The following DDX11 variants were observed in gnomAD, a reference collection of about 807,000 sequenced individuals.
The protein encoded by DDX11 is DEAD/H-box helicase 11, also known as ATP-dependent DNA helicase DDX11.
Under a neutral mutation model 125.2 loss-of-function variants are expected in DDX11, and 72 were observed. The ratio of observed to expected loss-of-function variants is 0.58; its 90% CI spans 0.48 to 0.70. The LOEUF is 0.70. Ranked by LOEUF, DDX11 falls within the 30% of genes least tolerant of loss-of-function variation. The pLI is 0.00. For synonymous variants in DDX11, 347 were observed against 452.6 expected (o/e 0.77, Z 2.96); for missense variants, 883 against 1,165.0 (o/e 0.76, Z 3.52).
chr12:31,086,997 G>C (rs560027129), intron 5 of DDX11, among the ~76,000 whole-genome samples: 1 of 137,738 alleles, frequency 7.3e-6, no homozygotes, highest in East Asian at 2.2e-4. Context: ...GAATTTCGAG[G>C]TGAACAAAAA....
In DDX11 at chr12:31,101,056, C is replaced by G; in HGVS notation, c.1978C>G (p.Pro660Ala). 6.2e-7 allele frequency: 1 copy of G among 1,614,194 alleles called. No homozygotes were observed. Among genetic ancestry groups the G allele is most frequent in the Non-Finnish European group, 8.5e-7 (1 of 1,180,028 alleles). Residue 660 changes from proline (P) to alanine (A), a missense_variant, in exon 20 of 27, where the codon CCC becomes GCC. Pro to Ala is a conservative substitution (Grantham distance 27). Transcript: ENST00000542838. ...CGTGATCCCTCCAGACAACATCCTG[C>G]CCCTCGTCATCTGCAGCGGGATCTC... The part of the protein sequence containing the change: ...GHVIPPDNIL[P>A]LVICSGISNQ...
intron 4 of DDX11, 99 bp from the exon 5 acceptor site, chr12:31,084,870 G>T (rs750186891): frequency 1.4e-6 from 2 of 1,472,326 alleles, no homozygotes; most frequent in Admixed American, 3.9e-5. Context: ...CCAGGCCTAT[G>T]TGAATGGGGC....
rs1270625967 is a variant in DDX11 at position 31,097,913 on chromosome 12, T to G, written c.1791T>G (p.Phe597Leu). The G allele has an allele frequency of 1.9e-6, 3 of 1,613,318 alleles. No homozygotes were observed. In the East Asian group the frequency reaches 6.7e-5, roughly 36 times the overall value. ...QGSLSQSTLK[F>L]LLLNPAVHFA... The stretch of plus-strand genomic sequence containing the variant: ...GCCTCAGTCAGAGCACCCTGAAGTT[T>G]TTGCTCCTGAATCCAGCTGTGCACT... The change falls in exon 18 of 27, where the codon TTT (phenylalanine) becomes TTG (leucine). Residue 597 changes from phenylalanine to leucine, a missense_variant. By Grantham distance (22) the Phe-to-Leu change is conservative. This residue lies in a region of DDX11 where 241 missense variants were observed against 279.7 expected (regional missense o/e 0.86). Coordinates refer to ENST00000542838, the MANE Select transcript of DDX11 (RefSeq NM_030653.4).
chr12:31,078,500 C>T lies in DDX11; in HGVS notation c.107C>T (p.Ala36Val), dbSNP rs1399831191. The T allele has an allele frequency of 6.2e-7, 1 of 1,611,664 alleles. No individual in the cohort carries two copies. Among genetic ancestry groups the T allele is most frequent in the African/African-American group, 1.3e-5 (1 of 74,822 alleles). Residue 36 changes from alanine (A) to valine (V), a missense_variant, in exon 2 of 27, where the codon GCT (alanine) becomes GTT (valine). Around this residue, in one of 5 missense-constraint regions of DDX11, gnomAD observed 283 missense variants for 359.6 expected, o/e 0.79. Coordinates refer to ENST00000542838, the MANE Select transcript of DDX11 (RefSeq NM_030653.4). ...GCAGAGCTGTACCGGGTTTTGGAGG[C>T]TGGCAAGATTGGGATATTTGAGAGT... Reference protein sequence around the residue: ...FMAELYRVLEAGKIGIFESPT... With the variant: ...FMAELYRVLEVGKIGIFESPT...
At chr12:31,086,067 C>T (rs1166329160) in intron 5 of DDX11, 1 of 454,354 alleles carries the variant, frequency 2.2e-6, no homozygotes, top group East Asian at 7.0e-5. Flanking sequence ...CACCAGACGC[C>T]AGCTTCCCCG....
chr12:31,097,944 C>T lies in DDX11; in HGVS notation c.1822C>T (p.Gln608Ter). 6 of 1,613,810 alleles carry T rather than the reference C, an allele frequency of 3.7e-6. No individual in the cohort carries two copies. The highest frequency in any genetic ancestry group is 5.1e-6 in the Non-Finnish European group (6 of 1,179,868). The change falls in exon 18 of 27, where the codon CAA (glutamine) becomes TAA (stop). Residue 608 changes from glutamine (Q) to a stop codon, truncating the protein, a stop_gained. Coordinates refer to ENST00000542838, the MANE Select transcript of DDX11 (RefSeq NM_030653.4). LOFTEE classifies it high-confidence loss of function. ...CCTGAATCCAGCTGTGCACTTTGCCCAAGTGGTGAAGGAATGCCGGGCAGT... is the reference window on the plus strand; with the variant it reads ...CCTGAATCCAGCTGTGCACTTTGCCTAAGTGGTGAAGGAATGCCGGGCAGT... The part of the protein sequence containing the change: ...LLLNPAVHFA[Q>*]VVKECRAVVI...
chr12:31,079,176 T>A (rs1941349449), intron 2 of DDX11, among the ~76,000 whole-genome samples: 1 of 152,234 alleles, frequency 6.6e-6, no homozygotes, highest in South Asian at 2.1e-4. Flanking sequence ...TTGAACATAA[T>A]TTTGTCTTGA....
chr12:31,087,610 G>A, intron 5 of DDX11: 1 of 422,414 alleles, frequency 2.4e-6, no homozygotes, highest in Non-Finnish European at 4.4e-6. Context: ...ATCCGCCCTG[G>A]GGCCTCAGAG....
intron 5 of DDX11, among the ~76,000 whole-genome samples, 165 bp downstream of exon 5, chr12:31,085,291 G>T (rs1366508792): frequency 6.6e-6 from 1 of 152,246 alleles, no homozygotes; most frequent in African/African-American, 2.4e-5. Flanking sequence ...AGTGCCAGTG[G>T]CAGTGAGGAC....
At chr12:31,103,771 C>A in intron 26 of DDX11, 36 bp from the exon 27 acceptor site, 6 of 1,613,686 alleles carry the variant, frequency 3.7e-6, no homozygotes, top group Non-Finnish European at 5.1e-6. Flanking sequence ...CTCCCCACCC[C>A]GAGATCACAT....
At chr12:31,087,531 G>A in intron 5 of DDX11, 1 of 326,390 alleles carries the variant, frequency 3.1e-6, no homozygotes, top group Non-Finnish European at 6.0e-6. Context: ...GAGTTGACTG[G>A]GAGCTGGTGA....
chr12:31,084,575 T>A lies in DDX11; in HGVS notation c.394-8T>A, dbSNP rs748939479. 6 of 1,591,556 alleles carry A rather than the reference T, an allele frequency of 3.8e-6. No individual in the cohort carries two copies. The highest frequency in any genetic ancestry group is 1.7e-4 in the Middle Eastern group (1 of 6,020). ...TTGGTGATTTTCCTTCATGTCTGCC[T>A]CCTGTAGGCGGAGCAGGCCAGGAGG... On this transcript the variant is annotated splice_polypyrimidine_tract_variant and splice_region_variant and intron_variant, in intron 3 of 26. Coordinates refer to ENST00000542838, the MANE Select transcript of DDX11 (RefSeq NM_030653.4).
intron 2 of DDX11, among the ~76,000 whole-genome samples, chr12:31,081,245 C>T (rs1941867697): frequency 6.6e-6 from 1 of 152,196 alleles, no homozygotes; most frequent in African/African-American, 2.4e-5. Context: ...ATTCTTCTGT[C>T]TTCTAAATCA....
chr12:31,088,722 G>T (rs1316873317), intron 6 of DDX11, among the ~76,000 whole-genome samples: 12 of 152,160 alleles, frequency 7.9e-5, no homozygotes, highest in South Asian at 6.2e-4. Flanking sequence ...CCCAAGTGGG[G>T]ACCCTTTGCC....
At chr12:31,077,718 C>T (rs1227620468) in intron 1 of DDX11, among the ~76,000 whole-genome samples, 2 of 151,922 alleles carry the variant, frequency 1.3e-5, no homozygotes, top group Non-Finnish European at 2.9e-5. Context: ...GTGGCGGGCA[C>T]CTGTAGTCCC....
chr12:31,087,613 C>A lies in DDX11; in HGVS notation c.639-325C>A, dbSNP rs907506780. The A allele has an allele frequency of 1.6e-5, 7 of 429,254 alleles. 1 individual carries two copies. Among genetic ancestry groups the A allele is most frequent in the Non-Finnish European group, 2.6e-5 (6 of 229,540 alleles). 26.6% of individuals were successfully genotyped at this position (429,254 alleles called of 1,614,324 possible). On this transcript the variant is annotated intron_variant, in intron 5 of 26. Transcript: ENST00000542838. ...TGAAGAGCAAATATCCGCCCTGGGG[C>A]CTCAGAGGGGTCCAGCTTGCTGGAG...
chr12:31,075,629 G>A (rs1940592487), intron 1 of DDX11, among the ~76,000 whole-genome samples: 1 of 152,156 alleles, frequency 6.6e-6, no homozygotes, highest in Non-Finnish European at 1.5e-5. Flanking sequence ...CAAGTCATGG[G>A]ACCTCCGTTA....
intron 11 of DDX11, 74 bp from the exon 12 acceptor site, chr12:31,093,171 A>G: frequency 6.8e-7 from 1 of 1,475,778 alleles, no homozygotes; most frequent in Non-Finnish European, 9.3e-7. Context: ...CCGGGCAGCA[A>G]GGCTTCCACT....
intron 20 of DDX11, chr12:31,101,564 T>G (rs780370205): frequency 3.4e-5 from 18 of 533,620 alleles, no homozygotes; most frequent in Non-Finnish European, 3.4e-5. Context: ...GAGGACTCAG[T>G]GCCAGGGCAA....
Sources: allele counts gnomAD v4.1 joint callset (sites outside exome capture counted in the v4.1 genomes callset), GRCh38; gene constraint gnomAD v4.1.1; regional missense constraint gnomAD v4.1.1; transcripts MANE v1.5; gene names NCBI Gene and HGNC (gene_info 2026-07-23, HGNC 2026-07-21).